Variants in KCNN3 observed in about 807,000 individuals in gnomAD.
The protein encoded by KCNN3 is potassium calcium-activated channel subfamily N member 3, also known as small conductance calcium-activated potassium channel protein 3.
Under a neutral mutation model 62.9 loss-of-function variants are expected in KCNN3, and 16 were observed. That is an observed-to-expected ratio of 0.25 (90% confidence interval 0.17 to 0.39). The LOEUF (loss-of-function observed/expected upper bound fraction) is 0.39. KCNN3 is among the 10% of genes least tolerant of loss of function. The pLI, the probability that KCNN3 is intolerant of heterozygous loss-of-function variation, is 1.00. For synonymous variants in KCNN3, 370 were observed against 389.2 expected, an observed-to-expected ratio of 0.95 and a Z score of 0.58; for missense variants, 599 against 949.4, an observed-to-expected ratio of 0.63 and a Z score of 4.85.
chr1:154,844,775 G>A (rs1257067301), intron 1 of KCNN3, among the ~76,000 whole-genome samples: 1 of 152,148 alleles, frequency 6.6e-6, no homozygotes, highest in African/African-American at 2.4e-5. Flanking sequence ...GGAGGCTGAG[G>A]CGGGTGGATC....
At chr1:154,856,508 C>T in intron 1 of KCNN3, among the ~76,000 whole-genome samples, 1 of 152,180 alleles carries the variant, frequency 6.6e-6, no homozygotes, top group East Asian at 1.9e-4. Context: ...CCTCCTCAGG[C>T]TCCTTCTCTC....
intron 3 of KCNN3, among the ~76,000 whole-genome samples, chr1:154,745,323 A>G (rs1256235854): frequency 1.3e-5 from 2 of 152,226 alleles, no homozygotes; most frequent in African/African-American, 2.4e-5. Flanking sequence ...AACAAATGCG[A>G]CTTGCCGCCA....
chr1:154,841,781 G>A (rs1021255392), intron 1 of KCNN3, among the ~76,000 whole-genome samples: 4 of 152,214 alleles, frequency 2.6e-5, no homozygotes, highest in Non-Finnish European at 4.4e-5. Flanking sequence ...TGAGATGTGC[G>A]AGCCGAAGGG....
chr1:154,798,608 A>G (rs1338280429), intron 2 of KCNN3, among the ~76,000 whole-genome samples: 1 of 152,246 alleles, frequency 6.6e-6, no homozygotes, highest in Non-Finnish European at 1.5e-5. Flanking sequence ...TAATAAGAGC[A>G]AAGAAAAGAG....
chr1:154,809,102 T>C lies in KCNN3; in HGVS notation c.1029+12987A>G, dbSNP rs577459435. Among the ~76,000 whole-genome samples, 187 of 152,232 alleles carry C rather than the reference T, an allele frequency of 1.2e-3. 1 individual carries two copies. Among genetic ancestry groups the C allele is most frequent in the Non-Finnish European group, 1.9e-3 (127 of 68,038 alleles). On this transcript the variant is annotated intron_variant, in intron 2 of 7. Transcript: ENST00000271915. The surrounding 1 kb of genome is among the most constrained non-coding windows in gnomAD (Gnocchi z 4.3). ...AGGCCCAGCTGCTGTGGCTGAGCAG[T>C]GTCTCTGAGAACGTCCAGCCACGGT...
chr1:154,771,402 T>C (rs1051926421), intron 3 of KCNN3, among the ~76,000 whole-genome samples: 7 of 152,300 alleles, frequency 4.6e-5, no homozygotes, highest in African/African-American at 1.7e-4. Context: ...CAGGTGACCT[T>C]GTTAAATGCA....
At chr1:154,745,463 G>C (rs924729732) in intron 3 of KCNN3, among the ~76,000 whole-genome samples, 2 of 152,228 alleles carry the variant, frequency 1.3e-5, no homozygotes, top group Non-Finnish European at 2.9e-5. Flanking sequence ...CTCTGGAAGA[G>C]GTGGGACAGC....
intron 3 of KCNN3, among the ~76,000 whole-genome samples, chr1:154,761,344 T>G (rs949286835): frequency 1.1e-4 from 17 of 152,292 alleles, no homozygotes; most frequent in African/African-American, 3.4e-4. Flanking sequence ...GGCGCACGCC[T>G]GTAATCCCAG....
chr1:154,721,976 G>C (rs79855692), intron 5 of KCNN3, among the ~76,000 whole-genome samples: 3 of 151,992 alleles, frequency 2.0e-5, no homozygotes, highest in African/African-American at 7.2e-5. Context: ...GTTGCCACCA[G>C]AGTTGATAAG....
At chr1:154,748,820 G>C (rs958106436) in intron 3 of KCNN3, among the ~76,000 whole-genome samples, 4 of 152,160 alleles carry the variant, frequency 2.6e-5, no homozygotes, top group Non-Finnish European at 5.9e-5. Flanking sequence ...AAATTAGCAG[G>C]GCATGGTGGT....
intron 1 of KCNN3, among the ~76,000 whole-genome samples, chr1:154,853,280 T>C (rs1041460036): frequency 6.6e-6 from 1 of 152,098 alleles, no homozygotes; most frequent in African/African-American, 2.4e-5. Context: ...TGAGCTACCA[T>C]GCCTGGCCCT....
chr1:154,733,402 C>T (rs1700641811), intron 3 of KCNN3, among the ~76,000 whole-genome samples: 1 of 152,162 alleles, frequency 6.6e-6, no homozygotes, highest in Non-Finnish European at 1.5e-5. Context: ...ATGATTTGCA[C>T]CTCATTGTAG....
intron 3 of KCNN3, 69 bp from the exon 4 acceptor site, chr1:154,733,213 T>C: frequency 3.3e-6 from 5 of 1,506,588 alleles, no homozygotes; most frequent in Non-Finnish European, 4.6e-6. Context: ...TGGGCAAACC[T>C]AGAGCGGGGA....
At chr1:154,737,219 T>G in intron 3 of KCNN3, 1 of 281,870 alleles carries the variant, frequency 3.5e-6, no homozygotes, top group East Asian at 1.0e-4. Flanking sequence ...GGGGGGGGGA[T>G]AGCTCCATGT....
intron 1 of KCNN3, among the ~76,000 whole-genome samples, chr1:154,831,261 A>C (rs1185878997): frequency 3.3e-5 from 5 of 152,182 alleles, no homozygotes; most frequent in African/African-American, 1.2e-4. Flanking sequence ...TGGAACGGTA[A>C]ATACAGACTT....
intron 3 of KCNN3, among the ~76,000 whole-genome samples, chr1:154,760,852 G>GCCCGCGAAGAAGCACTCCGGC (rs753226177): frequency 0.085 from 12,893 of 151,748 alleles, 552 homozygotes; most frequent in African/African-American, 0.1. Context: ...GGAGGCGCGC[G>GCCCGCGAAGAAGCACTCCGGC]CCCGCGAAGA....
intron 3 of KCNN3, among the ~76,000 whole-genome samples, chr1:154,752,894 G>C (rs1295504275): frequency 6.6e-6 from 1 of 152,146 alleles, no homozygotes; most frequent in Non-Finnish European, 1.5e-5. Context: ...CCCTCGGCCT[G>C]TGGTCACCCT....
intron 2 of KCNN3, among the ~76,000 whole-genome samples, chr1:154,810,925 C>A (rs752793271): frequency 5.1e-4 from 77 of 152,256 alleles, no homozygotes; most frequent in Admixed American, 2.6e-3. Context: ...GACCTCAAAA[C>A]CCTCTGCCCT....
At chr1:154,714,305 T>G in intron 6 of KCNN3, among the ~76,000 whole-genome samples, 2 of 141,290 alleles carry the variant, frequency 1.4e-5, no homozygotes, top group Non-Finnish European at 3.1e-5. Flanking sequence ...ATGGTGTGTG[T>G]GTGGTTTGTG....
Sources: allele counts gnomAD v4.1 joint callset (sites outside exome capture counted in the v4.1 genomes callset), GRCh38; gene constraint gnomAD v4.1.1; non-coding constraint Gnocchi (gnomAD v3.1); transcripts MANE v1.5; gene names NCBI Gene and HGNC (gene_info 2026-07-23, HGNC 2026-07-21).